TMEM71: variants seen among roughly 807,000 people sequenced by gnomAD.
TMEM71 encodes the protein transmembrane protein 71.
TMEM71 carries 44 observed loss-of-function variants against 38.0 expected under a neutral mutation model. That is an observed-to-expected ratio of 1.16 (90% CI 0.91 to 1.49). The LOEUF (loss-of-function observed/expected upper bound fraction) is 1.49. Among genes scored for constraint, TMEM71 ranks in the 40% most tolerant of loss-of-function variants. TMEM71 has a pLI of 0.00. For synonymous variants in TMEM71, 133 were observed against 122.5 expected (o/e 1.09, Z -0.56); for missense variants, 367 against 348.6 (o/e 1.05, Z -0.42).
the TMEM71 span, among the ~76,000 whole-genome samples, chr8:132,769,256 T>C: frequency 1.3e-5 from 2 of 152,260 alleles, no homozygotes; most frequent in Admixed American, 6.5e-5. Flanking sequence ...TCTTCTATGC[T>C]GTCTTTCTTG....
At chr8:132,744,131 CA>C (rs1828204716) in intron 5 of TMEM71, among the ~76,000 whole-genome samples, 1 of 152,128 alleles carries the variant, frequency 6.6e-6, no homozygotes, top group African/African-American at 2.4e-5. Flanking sequence ...CCCAAGAAGA[CA>C]GGGGTTATTA....
At chr8:132,707,001 T>C (rs1260673222), downstream of TMEM71, among the ~76,000 whole-genome samples, 1 of 152,110 alleles carries the variant, frequency 6.6e-6, no homozygotes, top group African/African-American at 2.4e-5. Flanking sequence ...TGGCAAGAAA[T>C]ACAGAAGACT....
chr8:132,730,265 A>G (rs1270160744), intron 5 of TMEM71, among the ~76,000 whole-genome samples: 2 of 152,124 alleles, frequency 1.3e-5, no homozygotes, highest in African/African-American at 4.8e-5. Flanking sequence ...GCCTTGAGTT[A>G]AAATTTATAC....
At chr8:132,758,065 G>A (rs539008470) in intron 2 of TMEM71, 8 of 152,132 alleles carry the variant, frequency 5.3e-5, no homozygotes, top group Non-Finnish European at 1.2e-4. Context: ...AAAATAATGA[G>A]CAAAAGACAT....
the TMEM71 span, among the ~76,000 whole-genome samples, chr8:132,772,344 GTTCT>G: frequency 6.6e-6 from 1 of 152,158 alleles, no homozygotes; most frequent in African/African-American, 2.4e-5. Flanking sequence ...ACAGCTGTAA[GTTCT>G]TTCTTTCTAT....
chr8:132,730,909 G>T (rs552179929), intron 5 of TMEM71, among the ~76,000 whole-genome samples: 1 of 152,110 alleles, frequency 6.6e-6, no homozygotes, highest in African/African-American at 2.4e-5. Context: ...TTGTGTGTGT[G>T]TGCATGTACA....
chr8:132,717,214 A>C (rs557624145), intron 7 of TMEM71, among the ~76,000 whole-genome samples: 1 of 152,310 alleles, frequency 6.6e-6, no homozygotes, highest in Non-Finnish European at 1.5e-5. Context: ...CACAGACCAC[A>C]AAAAAAGAAA....
the TMEM71 span, chr8:132,775,374 C>A: frequency 2.7e-6 from 1 of 365,592 alleles, no homozygotes. Context: ...GTCGCCGGGG[C>A]CCGGCGTCGC....
intron 5 of TMEM71, among the ~76,000 whole-genome samples, chr8:132,735,835 C>G (rs530304206): frequency 6.6e-6 from 1 of 152,220 alleles, no homozygotes; most frequent in African/African-American, 2.4e-5. Flanking sequence ...TGCTTGCTCT[C>G]AGCCATTTAA....
chr8:132,744,759 A>T (rs1828240905), intron 5 of TMEM71, among the ~76,000 whole-genome samples: 1 of 152,246 alleles, frequency 6.6e-6, no homozygotes, highest in Admixed American at 6.5e-5. Context: ...CAGAGGCATC[A>T]TACTACCCAA....
intron 6 of TMEM71, among the ~76,000 whole-genome samples, chr8:132,723,848 C>A (rs527242189): frequency 1.3e-5 from 2 of 152,190 alleles, no homozygotes; most frequent in African/African-American, 4.8e-5. Flanking sequence ...CCACCCCCAA[C>A]ATTTCAACGT....
chr8:132,718,450 T>C (rs1313976840), intron 7 of TMEM71, among the ~76,000 whole-genome samples: 1 of 140,438 alleles, frequency 7.1e-6, no homozygotes, highest in East Asian at 2.1e-4. Flanking sequence ...CAGCCTGGAG[T>C]GCAGTGGCAC....
chr8:132,750,730 T>C (rs151126271), intron 4 of TMEM71, among the ~76,000 whole-genome samples: 2 of 152,340 alleles, frequency 1.3e-5, no homozygotes, highest in East Asian at 3.9e-4. Context: ...TATCCCAATT[T>C]ACCAATGCAA....
chr8:132,722,226 T>C, intron 6 of TMEM71, 111 bp from the exon 7 acceptor site: 1 of 705,962 alleles, frequency 1.4e-6, no homozygotes, highest in Non-Finnish European at 2.4e-6. Flanking sequence ...AAAAAAAAGT[T>C]TTGGAATGTA....
intron 9 of TMEM71, among the ~76,000 whole-genome samples, chr8:132,713,122 G>A (rs1826322579): frequency 6.7e-6 from 1 of 150,366 alleles, no homozygotes. Flanking sequence ...TGAGATTACA[G>A]GTGTGAGCCA....
At chr8:132,731,302 G>A (rs1487758425) in intron 5 of TMEM71, among the ~76,000 whole-genome samples, 1 of 152,180 alleles carries the variant, frequency 6.6e-6, no homozygotes, top group African/African-American at 2.4e-5. Context: ...TGGGGAGTAG[G>A]GGGTGGTAGA....
chr8:132,716,218 C>T (rs1422373628), intron 7 of TMEM71, among the ~76,000 whole-genome samples: 2 of 152,244 alleles, frequency 1.3e-5, no homozygotes, highest in Non-Finnish European at 2.9e-5. Flanking sequence ...CTCCCTGCTC[C>T]TGTTGCCCGC....
chr8:132,751,415 A>G lies in TMEM71; in HGVS notation c.314+370T>C, dbSNP rs185766893. ...TGAGTTTATTTTTACCTATTCCCCA[A>G]GTAAAATGGATCTCCTTTCTTTTAT... On this transcript the variant is annotated intron_variant, in intron 4 of 9. Coordinates refer to ENST00000677595, the MANE Select transcript of TMEM71 (RefSeq NM_001382403.1). 4.6e-4 allele frequency among the ~76,000 whole-genome samples: 70 copies of G among 152,332 alleles called. 1 individual carries two copies. Among genetic ancestry groups the G allele is most frequent in the Admixed American group, 2.2e-3 (34 of 15,300 alleles).
intron 3 of TMEM71, among the ~76,000 whole-genome samples, chr8:132,754,728 T>C (rs1209094124): frequency 6.6e-6 from 1 of 152,234 alleles, no homozygotes; most frequent in African/African-American, 2.4e-5. Context: ...CTGATTATGT[T>C]ACACAAAACT....
Sources: allele counts gnomAD v4.1 joint callset (sites outside exome capture counted in the v4.1 genomes callset), GRCh38; gene constraint gnomAD v4.1.1; transcripts MANE v1.5; gene names NCBI Gene and HGNC (gene_info 2026-07-23, HGNC 2026-07-21).